Variants in ADGRA3 observed in about 807,000 individuals in gnomAD.
The protein encoded by ADGRA3 is adhesion G protein-coupled receptor A3.
Under a neutral mutation model 119.8 loss-of-function variants are expected in ADGRA3, and 56 were observed. That is an observed-to-expected ratio of 0.47 (90% CI 0.38 to 0.58). The LOEUF (loss-of-function observed/expected upper bound fraction) is 0.58. Ranked by LOEUF, ADGRA3 falls within the 20% of genes least tolerant of loss-of-function variation. The pLI is 0.00. For synonymous variants in ADGRA3, 607 were observed against 623.8 expected (o/e 0.97, Z 0.40); for missense variants, 1,516 against 1,649.0 (o/e 0.92, Z 1.40).
At chr4:22,425,990 A>T (rs1715916748) in intron 10 of ADGRA3, among the ~76,000 whole-genome samples, 1 of 152,234 alleles carries the variant, frequency 6.6e-6, no homozygotes, top group Admixed American at 6.5e-5. Context: ...TACAGATAAT[A>T]ATAGTCCTGT....
intron 14 of ADGRA3, among the ~76,000 whole-genome samples, chr4:22,407,862 C>G (rs1413645109): frequency 6.6e-6 from 1 of 152,070 alleles, no homozygotes; most frequent in Non-Finnish European, 1.5e-5. Context: ...ATAATTATCA[C>G]TGTATCAATA....
At chr4:22,417,541 G>A (rs906556366) in intron 12 of ADGRA3, among the ~76,000 whole-genome samples, 1 of 152,128 alleles carries the variant, frequency 6.6e-6, no homozygotes, top group Admixed American at 6.6e-5. Context: ...CTGACATTCA[G>A]AAAGGTTAAG....
chr4:22,479,057 A>G (rs568415472), intron 1 of ADGRA3, among the ~76,000 whole-genome samples: 3 of 152,284 alleles, frequency 2.0e-5, no homozygotes, highest in East Asian at 1.9e-4. Flanking sequence ...AACCTCCCCA[A>G]TAGATGCGGC....
chr4:22,455,087 G>A, intron 3 of ADGRA3, 150 bp from the exon 4 acceptor site: 1 of 620,402 alleles, frequency 1.6e-6, no homozygotes, highest in Non-Finnish European at 2.9e-6. Context: ...ATGAGATAAG[G>A]ATAGCAGTGA....
chr4:22,427,543 T>C (rs1242437417), intron 10 of ADGRA3, among the ~76,000 whole-genome samples: 1 of 152,140 alleles, frequency 6.6e-6, no homozygotes, highest in Non-Finnish European at 1.5e-5. Flanking sequence ...GCTATTTTTC[T>C]CATTATTTCA....
intron 1 of ADGRA3, 67 bp from the exon 2 acceptor site, chr4:22,473,910 A>G (rs1717947268): frequency 2.1e-6 from 2 of 957,718 alleles, no homozygotes; most frequent in Non-Finnish European, 3.2e-6. Flanking sequence ...AATTTAGCTT[A>G]TTATGTTTAA....
At chr4:22,404,754 A>T (rs1287653835) in intron 14 of ADGRA3, among the ~76,000 whole-genome samples, 1 of 152,258 alleles carries the variant, frequency 6.6e-6, no homozygotes, top group African/African-American at 2.4e-5. Flanking sequence ...CTAGCCTGTA[A>T]TACATGGCCT....
At chr4:22,430,491 T>C (rs1379326353) in intron 10 of ADGRA3, among the ~76,000 whole-genome samples, 1 of 152,130 alleles carries the variant, frequency 6.6e-6, no homozygotes, top group Non-Finnish European at 1.5e-5. Context: ...GCTCTAGAGA[T>C]TTGTGGAAAT....
chr4:22,471,647 C>A (rs113032427), intron 2 of ADGRA3, among the ~76,000 whole-genome samples: 2,644 of 152,176 alleles, frequency 0.017, 80 homozygotes, highest in African/African-American at 0.06. Context: ...AGCTTAGGGG[C>A]AGTGTAGATA....
At chr4:22,392,201 A>G (rs983843032) in intron 17 of ADGRA3, among the ~76,000 whole-genome samples, 2 of 152,232 alleles carry the variant, frequency 1.3e-5, no homozygotes, top group African/African-American at 4.8e-5. Context: ...TGAGTATGAC[A>G]TAAGACCTCA....
At chr4:22,444,132 A>G (rs1187544301) in intron 6 of ADGRA3, among the ~76,000 whole-genome samples, 1 of 152,126 alleles carries the variant, frequency 6.6e-6, no homozygotes, top group Admixed American at 6.5e-5. Flanking sequence ...CAATAGCTGC[A>G]TTCACTGAAT....
chr4:22,480,596 TTCC>T (rs1718230892), intron 1 of ADGRA3, among the ~76,000 whole-genome samples: 1 of 152,216 alleles, frequency 6.6e-6, no homozygotes, highest in Non-Finnish European at 1.5e-5. Context: ...CATCCATTTA[TTCC>T]TCTTCTAAAA....
chr4:22,453,042 C>CAA (rs1367762676), intron 4 of ADGRA3, among the ~76,000 whole-genome samples: 1 of 145,802 alleles, frequency 6.9e-6, no homozygotes, highest in African/African-American at 2.5e-5. Flanking sequence ...ACTAAAAATA[C>CAA]AAAAAAAAAA....
intron 1 of ADGRA3, among the ~76,000 whole-genome samples, chr4:22,511,200 T>C (rs925985570): frequency 8.5e-5 from 13 of 152,212 alleles, no homozygotes; most frequent in African/African-American, 2.9e-4. Context: ...TGTAAAACTT[T>C]CCATCAATGA....
rs1242101958 is a variant in ADGRA3, at chr4:22,454,900, C to T, written c.439G>A (p.Asp147Asn). 1 of 1,613,672 alleles carries T rather than the reference C, an allele frequency of 6.2e-7. No individual in the cohort carries two copies. The highest frequency in any genetic ancestry group is 8.5e-7 in the Non-Finnish European group (1 of 1,179,766). The change falls in exon 4 of 19, where the codon GAC becomes AAC. Residue 147 changes from aspartate to asparagine, a missense_variant. By Grantham distance (23) the Asp-to-Asn change is conservative. This residue lies in a region of ADGRA3 where 428 missense variants were observed against 541.9 expected (regional missense o/e 0.79). Coordinates refer to ENST00000334304, the MANE Select transcript of ADGRA3 (RefSeq NM_145290.4). ...TNNRIGCLNA[D>N]IFRGLTNLVR... is the part of the protein sequence containing the mutation. ...AGATTGGTGAGTCCTCGAAATATGT[C>T]TGCATTCAGACATCCTATTCGATTG...
chr4:22,411,099 A>G lies in ADGRA3; in HGVS notation c.2232+2083T>C, dbSNP rs116792570. The stretch of plus-strand genomic sequence containing the variant: ...AAAAATAAAAGTTTCACATGGTGCA[A>G]TATCACAGCGAAGGCTTATAAAATG... On this transcript the variant is annotated intron_variant, in intron 14 of 18. Transcript: ENST00000334304. Among the ~76,000 whole-genome samples the G allele has an allele frequency of 3.9e-3, 588 of 152,358 alleles. 6 individuals are homozygous for G. Among genetic ancestry groups the G allele is most frequent in the African/African-American group, 0.013 (549 of 41,580 alleles).
At chr4:22,444,217 A>G (rs1234962716) in intron 6 of ADGRA3, among the ~76,000 whole-genome samples, 2 of 152,126 alleles carry the variant, frequency 1.3e-5, no homozygotes, top group African/African-American at 4.8e-5. Context: ...GAGTCTGAAG[A>G]TTTACATACA....
At chr4:22,402,328 G>C (rs757891090) in intron 15 of ADGRA3, among the ~76,000 whole-genome samples, 19 of 152,048 alleles carry the variant, frequency 1.2e-4, no homozygotes, top group Non-Finnish European at 2.6e-4. Context: ...CTGATACTTA[G>C]AGACACCCCT....
intron 3 of ADGRA3, among the ~76,000 whole-genome samples, chr4:22,456,636 T>G (rs73800969): frequency 0.024 from 3,704 of 152,262 alleles, 160 homozygotes; most frequent in African/African-American, 0.083. Context: ...TGAGCTATGC[T>G]ACAGGATTCA....
Sources: allele counts gnomAD v4.1 joint callset (sites outside exome capture counted in the v4.1 genomes callset), GRCh38; gene constraint gnomAD v4.1.1; regional missense constraint gnomAD v4.1.1; transcripts MANE v1.5; gene names NCBI Gene and HGNC (gene_info 2026-07-23, HGNC 2026-07-21).